Variants in DMP1 observed in about 807,000 individuals in gnomAD.
DMP1 encodes dentin matrix protein 1.
Under a neutral mutation model 14.6 loss-of-function variants are expected in DMP1, and 20 were observed. The ratio of observed to expected loss-of-function variants is 1.37; its 90% confidence interval spans 0.96 to 1.99. The LOEUF is 1.99. DMP1 is among the 30% of genes most tolerant of loss of function. DMP1 has a pLI of 0.00. For missense variants in DMP1, 567 were observed against 620.5 expected, an observed-to-expected ratio of 0.91 and a Z score of 0.92; for synonymous variants, 197 against 215.3, an observed-to-expected ratio of 0.91 and a Z score of 0.75.
In DMP1 at chr4:87,662,178, C is replaced by G. The variant is rs1383071193; in HGVS notation, c.400C>G (p.Leu134Val). 3.7e-6 allele frequency: 6 copies of G among 1,614,172 alleles called. No individual in the cohort carries two copies. In the East Asian group the frequency reaches 1.3e-4, roughly 36 times the overall value. The change falls in exon 6 of 6, where the codon CTG (leucine) becomes GTG (valine). Residue 134 changes from leucine (L) to valine (V), a missense_variant. By Grantham distance (32) the Leu-to-Val change is conservative. Coordinates refer to ENST00000339673, the MANE Select transcript of DMP1 (RefSeq NM_004407.4). ...KDRQEGGNSR[L>V]GSDEDSDDTI... ...CAGACAAGAAGGAGGAAACTCCAGA[C>G]TGGGAAGTGATGAGGACTCTGATGA...
Position 87,659,121 on chromosome 4 carries a change from G to T in DMP1, c.103-99G>T, listed in dbSNP as rs1251553033. On this transcript the variant is annotated intron_variant, in intron 3 of 5. Coordinates refer to ENST00000339673, the MANE Select transcript of DMP1 (RefSeq NM_004407.4). ...CATGTAAATGTAAGATCTCTACCAA[G>T]AAACTAAAAATAATAACCTAAAATT... The T allele has an allele frequency of 3.1e-6, 4 of 1,273,404 alleles. No homozygotes were observed. The Admixed American group carries it at 5.4e-5, about 17-fold the overall frequency. The allele number at this position is 1,273,404 out of a possible 1,614,324, so 78.9% of individuals were successfully genotyped here.
In DMP1 at chr4:87,659,263, C is replaced by T; in HGVS notation, c.135+11C>T. ...CCAACACCACCCTTGGTAACTATCT[C>T]ATTTACTTTTGTCATAAACATCTCA... On this transcript the variant is annotated intron_variant, in intron 4 of 5. Coordinates refer to ENST00000339673, the MANE Select transcript of DMP1 (RefSeq NM_004407.4). 3 of 1,613,984 alleles carry T rather than the reference C, an allele frequency of 1.9e-6. No homozygotes were observed. Among genetic ancestry groups the T allele is most frequent in the Non-Finnish European group, 2.5e-6 (3 of 1,179,886 alleles).
Position 87,662,694 on chromosome 4 carries a change from C to T in DMP1, c.916C>T (p.Leu306Phe). 6.2e-7 allele frequency: 1 copy of T among 1,614,124 alleles called. No homozygotes were observed. Among genetic ancestry groups the T allele is most frequent in the Non-Finnish European group, 8.5e-7 (1 of 1,180,028 alleles). Reference sequence around the variant, plus strand: ...AAACAGCAACTCCAGAGACACTGGCCTCAGCCAACCCAGGAGAGACAGCAA... The same window carrying T: ...AAACAGCAACTCCAGAGACACTGGCTTCAGCCAACCCAGGAGAGACAGCAA... The part of the protein sequence containing the change: ...TENSNSRDTG[L>F]SQPRRDSKGD... Residue 306 changes from leucine to phenylalanine, a missense_variant, in exon 6 of 6, where the codon CTC becomes TTC. Physicochemically the swap from Leu to Phe is conservative, Grantham distance 22. Transcript: ENST00000339673.
chr4:87,661,204 ATTTTTTTTTTTT>A (rs70957272), intron 5 of DMP1, among the ~76,000 whole-genome samples: 15 of 66,652 alleles, frequency 2.3e-4, no homozygotes, highest in East Asian at 3.7e-4. Flanking sequence ...CAGCCAGCTA[ATTTTTTTTTTTT>A]TTTTTTTTTT....
Position 87,662,320 on chromosome 4 carries a change from G to A in DMP1, c.542G>A (p.Gly181Asp), listed in dbSNP as rs529731862. ...CGGGTGGACAGCAAGCCTGAGGGAGGTGACTCCACTCAAGAGAGTGAGAGT... is the reference window on the plus strand; with the variant it reads ...CGGGTGGACAGCAAGCCTGAGGGAGATGACTCCACTCAAGAGAGTGAGAGT... ...EDRVDSKPEG[G>D]DSTQESESEE... Residue 181 changes from glycine (G) to aspartate (D), a missense_variant, in exon 6 of 6, where the codon GGT becomes GAT. Coordinates refer to ENST00000339673, the MANE Select transcript of DMP1 (RefSeq NM_004407.4). 20 of 1,614,074 alleles carry A rather than the reference G, an allele frequency of 1.2e-5. No homozygotes were observed. The highest frequency in any genetic ancestry group is 1.1e-4 in the South Asian group (10 of 91,072).
chr4:87,661,585 T>G (rs1455821637), intron 5 of DMP1, among the ~76,000 whole-genome samples: 1 of 151,574 alleles, frequency 6.6e-6, no homozygotes, highest in Non-Finnish European at 1.5e-5. Flanking sequence ...GGTCTCGATC[T>G]CTTGACCTCG....
In DMP1 at chr4:87,662,735, A is replaced by C; in HGVS notation, c.957A>C (p.Glu319Asp). The C allele has an allele frequency of 6.2e-7, 1 of 1,614,132 alleles. No individual in the cohort carries two copies. Among genetic ancestry groups the C allele is most frequent in the Non-Finnish European group, 8.5e-7 (1 of 1,180,018 alleles). The change falls in exon 6 of 6, where the codon GAA (glutamate) becomes GAC (aspartate). Residue 319 changes from glutamate to aspartate, a missense_variant. By Grantham distance (45) the Glu-to-Asp change is conservative (BLOSUM62 2). Coordinates refer to ENST00000339673, the MANE Select transcript of DMP1 (RefSeq NM_004407.4). ...PRRDSKGDSQEDSKENLSQEE... is the reference protein window; with the variant it reads ...PRRDSKGDSQDDSKENLSQEE... ...GAGACAGCAAGGGTGACTCTCAAGAAGACAGCAAGGAGAATCTGTCCCAGG... is the reference window on the plus strand; with the variant it reads ...GAGACAGCAAGGGTGACTCTCAAGACGACAGCAAGGAGAATCTGTCCCAGG...
In DMP1 at chr4:87,663,311, C is replaced by G; in HGVS notation, c.1533C>G (p.Asp511Glu). ...ACCAAGATGACAATGACTGCCAAGA[C>G]GGCTATTAGCATCAGCTGTCCTAAG... ...IGDQDDNDCQ[D>E]GY Residue 511 changes from aspartate (D) to glutamate (E), a missense_variant, in exon 6 of 6, where the codon GAC (aspartate) becomes GAG (glutamate). Asp to Glu is a conservative substitution (Grantham distance 45). Transcript: ENST00000339673. The G allele has an allele frequency of 6.2e-7, 1 of 1,614,182 alleles. No individual in the cohort carries two copies. Among genetic ancestry groups the G allele is most frequent in the Non-Finnish European group, 8.5e-7 (1 of 1,180,016 alleles).
chr4:87,658,502 C>T (rs1014897850), intron 3 of DMP1, among the ~76,000 whole-genome samples: 1 of 152,166 alleles, frequency 6.6e-6, no homozygotes. Context: ...TTACATGACT[C>T]GAGAAGGGTT....
At chr4:87,656,849 C>T (rs905298880) in intron 2 of DMP1, among the ~76,000 whole-genome samples, 183 bp from the exon 3 acceptor site, 1 of 152,212 alleles carries the variant, frequency 6.6e-6, no homozygotes, top group Non-Finnish European at 1.5e-5. Context: ...TGGACCCTAC[C>T]TCAGAGCTGC....
intron 1 of DMP1, among the ~76,000 whole-genome samples, chr4:87,650,878 A>G (rs541350901): frequency 6.6e-6 from 1 of 152,210 alleles, no homozygotes. Flanking sequence ...TATGAACTGC[A>G]TAAGTAACTA....
rs966078093 is a variant in DMP1, at chr4:87,650,806, T to A, written c.-22+422T>A. On this transcript the variant is annotated intron_variant, in intron 1 of 5. Coordinates refer to ENST00000339673, the MANE Select transcript of DMP1 (RefSeq NM_004407.4). Reference sequence around the variant, plus strand: ...GCTAAACTTATTGAATGGCAGGACTTTAAAAAGAATTTTTTTTAAATTAAA... The same window carrying A: ...GCTAAACTTATTGAATGGCAGGACTATAAAAAGAATTTTTTTTAAATTAAA... Among the ~76,000 whole-genome samples the A allele has an allele frequency of 8.5e-5, 13 of 152,170 alleles. 1 individual carries two copies. Among genetic ancestry groups the A allele is most frequent in the African/African-American group, 3.1e-4 (13 of 41,448 alleles).
chr4:87,655,627 G>A (rs769687354), intron 1 of DMP1, among the ~76,000 whole-genome samples: 5 of 152,106 alleles, frequency 3.3e-5, no homozygotes, highest in Non-Finnish European at 7.4e-5. Context: ...TCTATTTTGT[G>A]TAGACATTAT....
chr4:87,661,936 C>G, intron 5 of DMP1, 26 bp from the exon 6 acceptor site: 1 of 1,614,126 alleles, frequency 6.2e-7, no homozygotes, highest in South Asian at 1.1e-5. Context: ...GGAATACTGA[C>G]CATATCTGTT....
At chr4:87,654,061 T>C (rs1159208868) in intron 1 of DMP1, among the ~76,000 whole-genome samples, 1 of 152,218 alleles carries the variant, frequency 6.6e-6, no homozygotes, top group Admixed American at 6.5e-5. Context: ...CAGCAAAGCC[T>C]GTCCAGATTC....
In DMP1 at chr4:87,662,722, G is replaced by A. The variant is rs1728947048; in HGVS notation, c.944G>A (p.Gly315Asp). The A allele has an allele frequency of 6.2e-7, 1 of 1,614,186 alleles. No individual in the cohort carries two copies. Residue 315 changes from glycine (G) to aspartate (D), a missense_variant, in exon 6 of 6, where the codon GGT becomes GAT. Gly to Asp is a moderately conservative substitution (Grantham distance 94). Transcript: ENST00000339673. ...AGCCAACCCAGGAGAGACAGCAAGGGTGACTCTCAAGAAGACAGCAAGGAG... is the reference window on the plus strand; with the variant it reads ...AGCCAACCCAGGAGAGACAGCAAGGATGACTCTCAAGAAGACAGCAAGGAG... ...GLSQPRRDSK[G>D]DSQEDSKENL... is the part of the protein sequence containing the mutation.
chr4:87,663,522 G>C lies in DMP1; in HGVS notation c.*202G>C. 1.4e-6 allele frequency: 1 copy of C among 708,076 alleles called. No individual in the cohort carries two copies. Among genetic ancestry groups the C allele is most frequent in the Non-Finnish European group, 2.3e-6 (1 of 429,564 alleles). 43.9% of individuals were successfully genotyped at this position (708,076 alleles called of 1,614,324 possible). A position where few individuals can be genotyped will look rare whatever the true frequency, so the allele number is the denominator to read the frequency against. On this transcript the variant is annotated 3_prime_UTR_variant, in exon 6 of 6. Transcript: ENST00000339673. ...GTTTAAATACTGTGGAGTGACACCA[G>C]AACACAGCCAAAGAGGCTAGAAGCA...
chr4:87,662,468 C>A lies in DMP1; in HGVS notation c.690C>A (p.Ser230=), dbSNP rs1469433265. Residue 230 remains serine, a synonymous_variant, in exon 6 of 6, where the codon TCC becomes TCA. Coordinates refer to ENST00000339673, the MANE Select transcript of DMP1 (RefSeq NM_004407.4). The part of the protein sequence containing the change: ...PESIRSERGN[S]RMNSAGMKSK... ...GCATCAGGAGTGAAAGGGGAAACTC[C>A]AGAATGAACAGTGCAGGCATGAAAT... is the stretch of plus-strand genomic sequence containing the variant. 1.9e-6 allele frequency: 3 copies of A among 1,614,024 alleles called. No individual in the cohort carries two copies. The East Asian group carries it at 6.7e-5, about 36-fold the overall frequency.
intron 5 of DMP1, among the ~76,000 whole-genome samples, chr4:87,661,755 G>A (rs1728889468): frequency 6.6e-6 from 1 of 151,612 alleles, no homozygotes; most frequent in African/African-American, 2.4e-5. Flanking sequence ...AGTGAAGTGT[G>A]CCTATATAAA....
Sources: gnomAD v4.1 joint callset for allele counts (sites outside exome capture counted in the v4.1 genomes callset) on GRCh38, gnomAD v4.1.1 for gene constraint, MANE v1.5 for transcripts, NCBI Gene and HGNC (gene_info 2026-07-23, HGNC 2026-07-21) for gene names.